The following MACROD2 variants were observed in gnomAD, a reference collection of about 807,000 sequenced individuals.
MACROD2 encodes the protein ADP-ribose glycohydrolase MACROD2.
Under a neutral mutation model 70.4 loss-of-function variants are expected in MACROD2, and 36 were observed. The observed-to-expected ratio is 0.51, with a 90% CI of 0.39 to 0.68. MACROD2 has a LOEUF of 0.68. MACROD2 is among the 30% of genes least tolerant of loss of function. MACROD2 has a pLI of 0.00. For missense variants in MACROD2, 496 were observed against 538.4 expected (o/e 0.92, Z 0.78); for synonymous variants, 172 against 178.8 (o/e 0.96, Z 0.30).
intron 6 of MACROD2, among the ~76,000 whole-genome samples, chr20:15,321,465 T>C (rs2146171902): frequency 6.9e-6 from 1 of 144,400 alleles, no homozygotes; most frequent in Non-Finnish European, 1.6e-5. Context: ...TTAAACACAT[T>C]AATTTATGCT....
At chr20:16,029,478 G>T (rs2067123849) in intron 15 of MACROD2, among the ~76,000 whole-genome samples, 1 of 152,030 alleles carries the variant, frequency 6.6e-6, no homozygotes, top group African/African-American at 2.4e-5. Flanking sequence ...ACAATATGAA[G>T]GAAGAGAAGT....
rs146815377 is a variant in MACROD2, at chr20:15,899,408, T to G, written c.775+13597T>G. Among the ~76,000 whole-genome samples, 409 of 152,278 alleles carry G rather than the reference T, an allele frequency of 2.7e-3. 1 individual carries two copies. Among genetic ancestry groups the G allele is most frequent in the African/African-American group, 9.5e-3 (393 of 41,564 alleles). On this transcript the variant is annotated intron_variant, in intron 10 of 17. Coordinates refer to ENST00000684519, the MANE Select transcript of MACROD2 (RefSeq NM_001351661.2). ...TATCAAGTTGACCTCAGAAATTATC[T>G]TGGAGGAGTGAAGAAGGAGCACAGT...
intron 3 of MACROD2, among the ~76,000 whole-genome samples, chr20:14,184,510 T>G (rs1228425136): frequency 6.9e-6 from 1 of 145,592 alleles, no homozygotes; most frequent in African/African-American, 2.5e-5. Context: ...GGCTATTTGG[T>G]TTTTTTTTTT....
At chr20:15,195,526 G>A (rs1055677137) in intron 5 of MACROD2, among the ~76,000 whole-genome samples, 2 of 152,098 alleles carry the variant, frequency 1.3e-5, no homozygotes, top group Non-Finnish European at 2.9e-5. Context: ...CAAAACCACA[G>A]TGAGATACCA....
chr20:14,173,882 A>G (rs111759525), intron 3 of MACROD2, among the ~76,000 whole-genome samples: 2,421 of 152,032 alleles, frequency 0.016, 25 homozygotes, highest in Non-Finnish European at 0.027. Context: ...AGTGATTGTT[A>G]TTTCTCTTCT....
At chr20:15,653,383 C>A (rs2049676035) in intron 8 of MACROD2, among the ~76,000 whole-genome samples, 1 of 152,168 alleles carries the variant, frequency 6.6e-6, no homozygotes, top group East Asian at 1.9e-4. Context: ...CGTGCCATGT[C>A]AACAAGTATG....
At chr20:15,132,014 T>G (rs2076109737) in intron 5 of MACROD2, among the ~76,000 whole-genome samples, 1 of 151,942 alleles carries the variant, frequency 6.6e-6, no homozygotes, top group African/African-American at 2.4e-5. Context: ...CTCATTGAAT[T>G]AAAAGTGAAC....
intron 8 of MACROD2, among the ~76,000 whole-genome samples, chr20:15,732,221 T>A (rs907085052): frequency 2.6e-5 from 4 of 151,928 alleles, no homozygotes; most frequent in Non-Finnish European, 5.9e-5. Context: ...ATGACTAGGA[T>A]ATCTCTTTAC....
chr20:15,967,679 C>CCT, intron 13 of MACROD2, 49 bp downstream of exon 13: 1 of 277,906 alleles, frequency 3.6e-6, no homozygotes, highest in Non-Finnish European at 5.3e-6. Flanking sequence ...TGCTGGGAAA[C>CCT]AGAAAAAAAA....
chr20:14,220,989 C>T (rs989710799), intron 3 of MACROD2, among the ~76,000 whole-genome samples: 1 of 152,100 alleles, frequency 6.6e-6, no homozygotes, highest in Non-Finnish European at 1.5e-5. Flanking sequence ...TGCGAGGTGC[C>T]GCCCACTGCT....
chr20:14,241,282 T>C (rs755608705), intron 3 of MACROD2, among the ~76,000 whole-genome samples: 1 of 152,242 alleles, frequency 6.6e-6, no homozygotes, highest in Non-Finnish European at 1.5e-5. Context: ...AGTGGTTATA[T>C]CTCAGCCAAA....
intron 12 of MACROD2, among the ~76,000 whole-genome samples, chr20:15,964,100 T>A (rs1012061317): frequency 6.6e-6 from 1 of 152,188 alleles, no homozygotes; most frequent in African/African-American, 2.4e-5. Context: ...CAAATGATAA[T>A]TTTTAGAATT....
intron 8 of MACROD2, among the ~76,000 whole-genome samples, chr20:15,608,344 A>C (rs556532022): frequency 6.6e-6 from 1 of 152,378 alleles, no homozygotes; most frequent in East Asian, 1.9e-4. Context: ...GAATGTCAGC[A>C]GATATAATGT....
At chr20:14,284,097 T>TA (rs928435921) in intron 3 of MACROD2, among the ~76,000 whole-genome samples, 3 of 152,196 alleles carry the variant, frequency 2.0e-5, no homozygotes, top group African/African-American at 7.2e-5. Flanking sequence ...TTCTGCTGTA[T>TA]AAAAAATAAA....
intron 4 of MACROD2, among the ~76,000 whole-genome samples, chr20:14,654,579 G>A (rs1217728820): frequency 1.2e-4 from 18 of 151,454 alleles, no homozygotes; most frequent in Non-Finnish European, 5.9e-5. Context: ...TTGAAAACTT[G>A]TTTTCTATTT....
chr20:14,248,725 A>G (rs972046278), intron 3 of MACROD2, among the ~76,000 whole-genome samples: 1 of 152,192 alleles, frequency 6.6e-6, no homozygotes, highest in Non-Finnish European at 1.5e-5. Context: ...ATATGCAGAT[A>G]TTCCAAAAAT....
chr20:14,023,347 G>T (rs1432891511), intron 2 of MACROD2, among the ~76,000 whole-genome samples: 1 of 152,192 alleles, frequency 6.6e-6, no homozygotes, highest in Non-Finnish European at 1.5e-5. Context: ...CATTCTGTAG[G>T]TTGTCTGTTC....
At chr20:14,977,506 G>T (rs1176391407) in intron 5 of MACROD2, among the ~76,000 whole-genome samples, 1 of 141,996 alleles carries the variant, frequency 7.0e-6, no homozygotes, top group Non-Finnish European at 1.5e-5. Context: ...CACACAATTA[G>T]GGTTTAGGGT....
In MACROD2 at chr20:15,969,610, A is replaced by C. The variant is rs1049517894; in HGVS notation, c.985+1980A>C. On this transcript the variant is annotated intron_variant, in intron 13 of 17. Transcript: ENST00000684519. ...AGACACAGCCGAAAGAAGATTTGTG[A>C]ACTAGAAGTTAGGTCAGAATATATC... Among the ~76,000 whole-genome samples the C allele has an allele frequency of 4.6e-5, 7 of 152,288 alleles. No homozygotes were observed. The South Asian group carries it at 1.2e-3, about 27-fold the overall frequency.
Sources: allele counts gnomAD v4.1 joint callset (sites outside exome capture counted in the v4.1 genomes callset), GRCh38; gene constraint gnomAD v4.1.1; transcripts MANE v1.5; gene names NCBI Gene and HGNC (gene_info 2026-07-23, HGNC 2026-07-21).